Variants in ATG10 observed in about 807,000 individuals in gnomAD.
ATG10 encodes the protein autophagy related 10, also known as ubiquitin-like-conjugating enzyme ATG10.
ATG10 carries 30 observed loss-of-function variants against 32.1 expected under a neutral mutation model. The observed-to-expected ratio is 0.94, with a 90% CI of 0.70 to 1.27. ATG10 has a LOEUF of 1.27. ATG10 is among the 50% of genes most tolerant of loss of function. ATG10 has a pLI of 0.00. For missense variants in ATG10, 233 were observed against 262.3 expected (o/e 0.89, Z 0.77); for synonymous variants, 87 against 91.5 (o/e 0.95, Z 0.28).
intron 2 of ATG10, among the ~76,000 whole-genome samples, chr5:82,032,572 T>C (rs1486450565): frequency 6.6e-6 from 1 of 152,008 alleles, no homozygotes. Context: ...ATTCATATAT[T>C]ATTAAAAATT....
intron 3 of ATG10, among the ~76,000 whole-genome samples, chr5:82,137,266 T>C (rs911213457): frequency 6.6e-6 from 1 of 152,036 alleles, no homozygotes; most frequent in Non-Finnish European, 1.5e-5. Flanking sequence ...GGCAAGCAGT[T>C]GTGATCCTTG....
At chr5:81,983,279 G>C (rs1473915354) in intron 1 of ATG10, among the ~76,000 whole-genome samples, 1 of 144,400 alleles carries the variant, frequency 6.9e-6, no homozygotes. Flanking sequence ...CTGGCTGGGC[G>C]GGGGGCTGAC....
chr5:82,035,572 A>T (rs549875074), intron 2 of ATG10, among the ~76,000 whole-genome samples: 96 of 152,076 alleles, frequency 6.3e-4, no homozygotes, highest in Non-Finnish European at 1.1e-3. Context: ...ATTCTAAAAG[A>T]TGAAAAGTTA....
chr5:82,089,821 G>A (rs1365330610), intron 3 of ATG10, among the ~76,000 whole-genome samples: 2 of 151,774 alleles, frequency 1.3e-5, no homozygotes, highest in Non-Finnish European at 2.9e-5. Context: ...CCACAGAATA[G>A]GAGAACATAG....
intron 3 of ATG10, among the ~76,000 whole-genome samples, chr5:82,111,120 CTGTT>C (rs1218466032): frequency 6.6e-6 from 1 of 151,962 alleles, no homozygotes; most frequent in African/African-American, 2.4e-5. Flanking sequence ...TTTCCTATTT[CTGTT>C]TGTTACAATG....
At chr5:82,053,175 G>A (rs971061901) in intron 2 of ATG10, among the ~76,000 whole-genome samples, 3 of 151,936 alleles carry the variant, frequency 2.0e-5, no homozygotes, top group Non-Finnish European at 2.9e-5. Flanking sequence ...TTTGATCTTT[G>A]CCAATCTGAT....
chr5:82,019,266 C>T (rs1321413798), intron 2 of ATG10, among the ~76,000 whole-genome samples: 3 of 152,006 alleles, frequency 2.0e-5, no homozygotes, highest in African/African-American at 7.2e-5. Context: ...TTCAAATAAC[C>T]TCTTCAGGGC....
intron 5 of ATG10, among the ~76,000 whole-genome samples, chr5:82,185,234 T>G (rs1007180649): frequency 3.3e-5 from 5 of 152,208 alleles, no homozygotes; most frequent in Admixed American, 6.5e-5. Context: ...CTGTATCTTA[T>G]CTCCTTTTAA....
At chr5:82,221,397 A>G (rs1465939549) in intron 5 of ATG10, among the ~76,000 whole-genome samples, 2 of 152,232 alleles carry the variant, frequency 1.3e-5, no homozygotes, top group African/African-American at 2.4e-5. Context: ...TAAATGTTCA[A>G]TGACATGACT....
At chr5:82,181,516 A>G (rs1044799947) in intron 5 of ATG10, among the ~76,000 whole-genome samples, 4 of 152,138 alleles carry the variant, frequency 2.6e-5, no homozygotes, top group Non-Finnish European at 5.9e-5. Context: ...TACCACATAC[A>G]AAAGAAAACA....
At chr5:82,013,639 C>T (rs1762194855) in intron 2 of ATG10, among the ~76,000 whole-genome samples, 1 of 152,044 alleles carries the variant, frequency 6.6e-6, no homozygotes, top group Admixed American at 6.6e-5. Flanking sequence ...AAAAGTGTTC[C>T]CTTTTCACCA....
At chr5:82,027,443 A>G (rs958850639) in intron 2 of ATG10, among the ~76,000 whole-genome samples, 12 of 152,152 alleles carry the variant, frequency 7.9e-5, no homozygotes, top group Admixed American at 1.3e-4. Flanking sequence ...TAAATCACAC[A>G]TGAGTATATG....
chr5:82,145,550 T>G (rs547996770), intron 3 of ATG10, among the ~76,000 whole-genome samples: 2 of 152,318 alleles, frequency 1.3e-5, no homozygotes, highest in African/African-American at 4.8e-5. Context: ...TTCTTCACCA[T>G]CCTTTATATA....
intron 3 of ATG10, among the ~76,000 whole-genome samples, chr5:82,096,020 T>A (rs1448974279): frequency 6.6e-6 from 1 of 152,182 alleles, no homozygotes; most frequent in African/African-American, 2.4e-5. Context: ...TCCTTTGCAT[T>A]AAATATAATT....
At chr5:82,003,667 C>A (rs1325782939) in intron 2 of ATG10, among the ~76,000 whole-genome samples, 1 of 152,200 alleles carries the variant, frequency 6.6e-6, no homozygotes, top group Admixed American at 6.5e-5. Context: ...GCCTTCCAAT[C>A]CAACCCATTG....
intron 5 of ATG10, among the ~76,000 whole-genome samples, chr5:82,235,800 C>T (rs1252206463): frequency 2.6e-5 from 4 of 152,170 alleles, no homozygotes; most frequent in Non-Finnish European, 4.4e-5. Flanking sequence ...GACTTGGAAT[C>T]CTTTTTGTAT....
intron 5 of ATG10, among the ~76,000 whole-genome samples, chr5:82,211,123 G>A (rs1213763011): frequency 6.6e-6 from 1 of 152,100 alleles, no homozygotes; most frequent in Non-Finnish European, 1.5e-5. Flanking sequence ...TTTAATTTCA[G>A]CACGATAGCT....
chr5:82,211,735 C>T (rs889518787), intron 5 of ATG10, among the ~76,000 whole-genome samples: 1 of 152,136 alleles, frequency 6.6e-6, no homozygotes, highest in Non-Finnish European at 1.5e-5. Context: ...TCAGGTACTC[C>T]CTGCTTCTCA....
chr5:82,037,863 CTCTT>C (rs1220766740), intron 2 of ATG10, among the ~76,000 whole-genome samples: 8 of 152,118 alleles, frequency 5.3e-5, no homozygotes, highest in African/African-American at 1.7e-4. Context: ...TCTATTGTAA[CTCTT>C]TCTTGATAAT....
Sources: gnomAD v4.1 joint callset for allele counts (sites outside exome capture counted in the v4.1 genomes callset) on GRCh38, gnomAD v4.1.1 for gene constraint, MANE v1.5 for transcripts, NCBI Gene and HGNC (gene_info 2026-07-23, HGNC 2026-07-21) for gene names.